The following FGFRL1 variants were observed in gnomAD, a reference collection of about 807,000 sequenced individuals.
FGFRL1 encodes the protein fibroblast growth factor receptor-like 1.
FGFRL1 carries 24 observed loss-of-function variants against 36.8 expected under a neutral mutation model. The observed-to-expected ratio is 0.65, with a 90% CI of 0.47 to 0.92. The LOEUF (loss-of-function observed/expected upper bound fraction) is 0.92. Ranked by LOEUF, FGFRL1 falls within the 40% of genes least tolerant of loss-of-function variation. The probability of loss-of-function intolerance (pLI) is 0.00; values close to 1 mark genes in which losing one functional copy is unlikely to be tolerated. For missense variants in FGFRL1, 785 were observed against 753.4 expected (o/e 1.04, Z -0.49); for synonymous variants, 422 against 344.1 (o/e 1.23, Z -2.50).
In FGFRL1 at chr4:1,023,200, C is replaced by T. The variant is rs543379999; in HGVS notation, c.353-441C>T. Among the ~76,000 whole-genome samples, 8 of 152,162 alleles carry T rather than the reference C, an allele frequency of 5.3e-5. No homozygotes were observed. Among genetic ancestry groups the T allele is most frequent in the South Asian group, 2.1e-4 (1 of 4,836 alleles). On this transcript the variant is annotated intron_variant, in intron 3 of 6. Coordinates refer to ENST00000510644, the MANE Select transcript of FGFRL1 (RefSeq NM_001004356.3). The surrounding 1 kb of genome is among the most constrained non-coding windows in gnomAD (Gnocchi z 6.0). ...ACATTCCACAGCACGCCCTGCCCCTCGGCATTGTGTGGAATGGGAAAACTG... is the reference window on the plus strand; with the variant it reads ...ACATTCCACAGCACGCCCTGCCCCTTGGCATTGTGTGGAATGGGAAAACTG...
In FGFRL1 at chr4:1,022,434, G is replaced by A. The variant is rs1716241382; in HGVS notation, c.311G>A (p.Gly104Asp). 1 of 1,610,054 alleles carries A rather than the reference G, an allele frequency of 6.2e-7. No homozygotes were observed. Residue 104 changes from glycine to aspartate, a missense_variant, in exon 3 of 7, where the codon GGC (glycine) becomes GAC (aspartate). By Grantham distance (94) the Gly-to-Asp change is moderately conservative. Transcript: ENST00000510644. ...GTGTACGTGTGCAAGGCCACCAACG[G>A]CTTCGGCAGCCTGAGCGTCAACTAC... Reference protein sequence around the residue: ...AGVYVCKATNGFGSLSVNYTL... With the variant: ...AGVYVCKATNDFGSLSVNYTL...
rs771210370 is a variant in FGFRL1 at position 1,023,823 on chromosome 4, C to A, written c.440C>A (p.Pro147Gln). 2 of 1,579,062 alleles carry A rather than the reference C, an allele frequency of 1.3e-6. No individual in the cohort carries two copies. The highest frequency in any genetic ancestry group is 1.7e-6 in the Non-Finnish European group (2 of 1,162,722). Reference protein sequence around the residue: ...EDPASQQWARPRFTQPSKMRR... With the variant: ...EDPASQQWARQRFTQPSKMRR... ...ACGCCACCCCACCCCGCAGCACGACCGCGCTTCACACAGCCCTCCAAGATG... is the reference window on the plus strand; with the variant it reads ...ACGCCACCCCACCCCGCAGCACGACAGCGCTTCACACAGCCCTCCAAGATG... Residue 147 changes from proline to glutamine, a missense_variant, in exon 5 of 7, where the codon CCG becomes CAG. Coordinates refer to ENST00000510644, the MANE Select transcript of FGFRL1 (RefSeq NM_001004356.3). This position sits in a 1 kb window ranked among gnomAD's most constrained non-coding sequence, Gnocchi z 6.0.
chr4:1,022,324 C>G lies in FGFRL1; in HGVS notation c.201C>G (p.Gly67=). Residue 67 remains glycine, a synonymous_variant, in exon 3 of 7, where the codon GGC becomes GGG. Transcript: ENST00000510644. ...CGCTGACCATGTGGACCAAGGATGGCCGCACCATCCACAGCGGCTGGAGCC... is the reference window on the plus strand; with the variant it reads ...CGCTGACCATGTGGACCAAGGATGGGCGCACCATCCACAGCGGCTGGAGCC... The part of the protein sequence containing the change: ...PPPLTMWTKD[G]RTIHSGWSRF... 6.2e-7 allele frequency: 1 copy of G among 1,600,978 alleles called. No individual in the cohort carries two copies. The highest frequency in any genetic ancestry group is 1.1e-5 in the South Asian group (1 of 89,642).
chr4:1,018,043 C>T (rs530184011), intron 2 of FGFRL1, among the ~76,000 whole-genome samples: 69 of 152,268 alleles, frequency 4.5e-4, no homozygotes, highest in African/African-American at 1.5e-3. Flanking sequence ...CGAGGAGCTA[C>T]GGGGTGAGGG....
At chr4:1,013,571 G>A (rs975555450) in intron 2 of FGFRL1, among the ~76,000 whole-genome samples, 13 of 152,246 alleles carry the variant, frequency 8.5e-5, no homozygotes, top group African/African-American at 2.9e-4. Context: ...CTGGCTGAGC[G>A]GCTGCTCTGA....
At chr4:1,016,438 G>C (rs993470163) in intron 2 of FGFRL1, among the ~76,000 whole-genome samples, 1 of 152,178 alleles carries the variant, frequency 6.6e-6, no homozygotes, top group African/African-American at 2.4e-5. Flanking sequence ...TTTTAGTGCT[G>C]TACAAGGTTC....
chr4:1,022,980 C>T (rs1036982796), intron 3 of FGFRL1, among the ~76,000 whole-genome samples: 10 of 151,802 alleles, frequency 6.6e-5, no homozygotes, highest in South Asian at 4.1e-4. Context: ...GTGGGGCCCT[C>T]GGGTGGAGCT....
intron 2 of FGFRL1, among the ~76,000 whole-genome samples, chr4:1,019,399 C>T (rs1328865793): frequency 6.6e-6 from 1 of 152,236 alleles, no homozygotes; most frequent in Non-Finnish European, 1.5e-5. Flanking sequence ...GAGGCCCAGG[C>T]ACCCCTGCAG....
intron 2 of FGFRL1, among the ~76,000 whole-genome samples, chr4:1,021,516 G>T (rs886381345): frequency 2.6e-5 from 4 of 152,242 alleles, no homozygotes; most frequent in African/African-American, 9.6e-5. Context: ...CTTGGGGGTG[G>T]GCAGACAGAC....
intron 2 of FGFRL1, among the ~76,000 whole-genome samples, chr4:1,017,466 G>A (rs1715949239): frequency 6.6e-6 from 1 of 152,224 alleles, no homozygotes; most frequent in African/African-American, 2.4e-5. Context: ...TTGTTGACCA[G>A]CATCAGCCCC....
Position 1,025,881 on chromosome 4 carries a change from A to ACG in FGFRL1, c.*535_*536dup, listed in dbSNP as rs1382751899. The ACG allele has an allele frequency of 2.0e-4, 35 of 172,168 alleles. No individual in the cohort carries two copies. Among genetic ancestry groups the ACG allele is most frequent in the East Asian group, 1.0e-3 (6 of 5,726 alleles). The allele number at this position is 172,168 out of a possible 1,614,324, so 10.7% of individuals were successfully genotyped here. ...ATATTGCCTGGACACACACACACAC[A>ACG]CGTGTGCACAGATATGCTGTCTGGA... is the stretch of plus-strand genomic sequence containing the variant. On this transcript the variant is annotated 3_prime_UTR_variant, in exon 7 of 7. Coordinates refer to ENST00000510644, the MANE Select transcript of FGFRL1 (RefSeq NM_001004356.3).
intron 2 of FGFRL1, among the ~76,000 whole-genome samples, chr4:1,015,791 C>T (rs1225440485): frequency 6.6e-6 from 1 of 152,230 alleles, no homozygotes; most frequent in Admixed American, 6.5e-5. Flanking sequence ...CCCAGGACAG[C>T]CTGGTGGCCC....
chr4:1,016,508 C>T (rs1167513237), intron 2 of FGFRL1, among the ~76,000 whole-genome samples: 3 of 152,036 alleles, frequency 2.0e-5, no homozygotes, highest in Admixed American at 1.3e-4. Flanking sequence ...CCTGGTGTGT[C>T]GAGGAGGGGG....
Position 1,024,330 on chromosome 4 carries a change from C to A in FGFRL1, c.738C>A (p.Pro246=). 5.6e-6 allele frequency: 9 copies of A among 1,605,824 alleles called. No individual in the cohort carries two copies. The highest frequency in any genetic ancestry group is 1.3e-5 in the African/African-American group (1 of 74,922). The change falls in exon 6 of 7, where the codon CCC becomes CCA. Residue 246 remains proline, a synonymous_variant. Coordinates refer to ENST00000510644, the MANE Select transcript of FGFRL1 (RefSeq NM_001004356.3). ...VDVIQRTRSK[P]VLTGTHPVNT... ...CCACAGAGCGGACCCGTTCCAAGCC[C>A]GTGCTCACAGGCACGCACCCCGTGA...
chr4:1,024,125 CGGGCGGGGGGTGCTGGT>C (rs1716360788), intron 5 of FGFRL1, 24 bp downstream of exon 5: 18 of 963,618 alleles, frequency 1.9e-5, no homozygotes, highest in Non-Finnish European at 1.7e-5. Flanking sequence ...CGGGCGCTGG[CGGGCGGGGGGTGCTGGT>C]GGGCGGGGGC....
chr4:1,011,048 A>C (rs1212560585), upstream of FGFRL1: 1 of 151,636 alleles, frequency 6.6e-6, no homozygotes, highest in Non-Finnish European at 1.5e-5. Context: ...CCCCGTCCCC[A>C]GCAGCTCCGG....
chr4:1,019,657 C>T (rs139016606), intron 2 of FGFRL1, among the ~76,000 whole-genome samples: 22 of 152,268 alleles, frequency 1.4e-4, no homozygotes, highest in African/African-American at 2.6e-4. Context: ...CAGAACCACA[C>T]TGAGGGGGTG....
rs761910406 is a variant in FGFRL1, at chr4:1,025,559, C to T, written c.*212C>T. On this transcript the variant is annotated 3_prime_UTR_variant, in exon 7 of 7. Transcript: ENST00000510644. ...ATGTATGCACACACATGCGCGCACA[C>T]GTGCTCCCTGAAGGCACACGTACGC... 17 of 645,692 alleles carry T rather than the reference C, an allele frequency of 2.6e-5. No individual in the cohort carries two copies. The highest frequency in any genetic ancestry group is 4.0e-5 in the South Asian group (2 of 49,976). The allele number at this position is 645,692 out of a possible 1,614,324, so 40.0% of individuals were successfully genotyped here.
At chr4:1,017,248 G>C (rs967786932) in intron 2 of FGFRL1, among the ~76,000 whole-genome samples, 5 of 151,570 alleles carry the variant, frequency 3.3e-5, no homozygotes, top group African/African-American at 1.2e-4. Flanking sequence ...GGGCCCCCCA[G>C]TTCGCAGGCA....
Sources: gnomAD v4.1 joint callset for allele counts (sites outside exome capture counted in the v4.1 genomes callset) on GRCh38, gnomAD v4.1.1 for gene constraint, Gnocchi (gnomAD v3.1) non-coding constraint, MANE v1.5 for transcripts, NCBI Gene and HGNC (gene_info 2026-07-23, HGNC 2026-07-21) for gene names.